Variants in STIM1 observed in about 807,000 individuals in gnomAD.
The protein encoded by STIM1 is stromal interaction molecule 1.
A neutral mutation model predicts 74.7 loss-of-function variants in STIM1; 25 were observed. The ratio of observed to expected loss-of-function variants is 0.33; its 90% confidence interval spans 0.24 to 0.47. The LOEUF is 0.47. Ranked by LOEUF, STIM1 falls within the 20% of genes least tolerant of loss-of-function variation. The pLI, the probability that STIM1 is intolerant of heterozygous loss-of-function variation, is 1.00. For synonymous variants in STIM1, 328 were observed against 348.8 expected, an observed-to-expected ratio of 0.94 and a Z score of 0.66; for missense variants, 728 against 920.8, an observed-to-expected ratio of 0.79 and a Z score of 2.71.
intron 1 of STIM1, among the ~76,000 whole-genome samples, chr11:3,879,063 C>T (rs983449688): frequency 6.6e-6 from 1 of 152,112 alleles, no homozygotes; most frequent in African/African-American, 2.4e-5. Flanking sequence ...TCAAGCAATT[C>T]TCCTGCCTCA....
At chr11:4,000,731 A>G (rs2135904797) in intron 2 of STIM1, among the ~76,000 whole-genome samples, 1 of 152,388 alleles carries the variant, frequency 6.6e-6, no homozygotes, top group East Asian at 1.9e-4. Context: ...ACAAAGCTGG[A>G]CGGAGAATGA....
chr11:4,090,876 G>A (rs183433339), intron 12 of STIM1, among the ~76,000 whole-genome samples: 2 of 152,320 alleles, frequency 1.3e-5, no homozygotes. Context: ...CCAGACAGAT[G>A]ATGGTATGAT....
intron 1 of STIM1, among the ~76,000 whole-genome samples, chr11:3,903,848 A>G (rs1307305395): frequency 6.6e-6 from 1 of 152,184 alleles, no homozygotes; most frequent in Non-Finnish European, 1.5e-5. Context: ...TGAGACACCC[A>G]TAAACAAGTG....
At chr11:3,929,270 CT>C (rs1438372757) in intron 1 of STIM1, among the ~76,000 whole-genome samples, 1 of 152,220 alleles carries the variant, frequency 6.6e-6, no homozygotes, top group East Asian at 1.9e-4. Flanking sequence ...AGGTGAACTT[CT>C]GCTCTAGATT....
In STIM1 at chr11:4,002,835, C is replaced by T. The variant is rs1409429441; in HGVS notation, c.271-21038C>T. ...GAAAGGATCAACAAAATTGATAGAC[C>T]GCTAGCAAGACTAATAAAGAAAAAA... On this transcript the variant is annotated intron_variant, in intron 2 of 12. Coordinates refer to ENST00000526596, the MANE Select transcript of STIM1 (RefSeq NM_001382567.1). 6.8e-4 allele frequency among the ~76,000 whole-genome samples: 99 copies of T among 144,820 alleles called. No individual in the cohort carries two copies. In the South Asian group the frequency reaches 0.016, roughly 23 times the overall value.
chr11:4,074,800 G>A (rs1269944970), intron 7 of STIM1, 121 bp downstream of exon 7: 52 of 1,129,916 alleles, frequency 4.6e-5, no homozygotes, highest in Non-Finnish European at 6.6e-5. Flanking sequence ...CTATGTTCTA[G>A]AGTCACTGGA....
At chr11:3,986,478 T>C (rs1306413115) in intron 2 of STIM1, among the ~76,000 whole-genome samples, 1 of 152,078 alleles carries the variant, frequency 6.6e-6, no homozygotes, top group Non-Finnish European at 1.5e-5. Context: ...GTAGCCAGAT[T>C]TGTGTGCCAT....
intron 1 of STIM1, among the ~76,000 whole-genome samples, chr11:3,951,749 A>G (rs1024376900): frequency 3.3e-5 from 5 of 152,130 alleles, no homozygotes; most frequent in Non-Finnish European, 1.5e-5. Context: ...TGCCCACTCC[A>G]ACACTTTCAG....
At chr11:3,882,091 CCTTTTTTTTT>C (rs2091531156) in intron 1 of STIM1, among the ~76,000 whole-genome samples, 1 of 143,878 alleles carries the variant, frequency 7.0e-6, no homozygotes, top group East Asian at 2.0e-4. Flanking sequence ...GCACTTCATT[CCTTTTTTTTT>C]TTTTTTTTTT....
chr11:3,922,393 C>T (rs559978537), intron 1 of STIM1, among the ~76,000 whole-genome samples: 6 of 152,130 alleles, frequency 3.9e-5, no homozygotes, highest in African/African-American at 7.2e-5. Context: ...TTTGTTCAAG[C>T]CTTTTTGCCC....
At chr11:4,045,639 G>C (rs574872596) in intron 3 of STIM1, among the ~76,000 whole-genome samples, 1 of 151,638 alleles carries the variant, frequency 6.6e-6, no homozygotes, top group Non-Finnish European at 1.5e-5. Context: ...TTTTTGTAGA[G>C]ATGGGTTTTG....
intron 5 of STIM1, among the ~76,000 whole-genome samples, chr11:4,060,148 T>G (rs868170984): frequency 6.6e-6 from 1 of 152,184 alleles, no homozygotes. Flanking sequence ...AGAATTAGGT[T>G]GTTCAGTCTC....
Position 3,912,421 on chromosome 11 carries a change from A to G in STIM1, c.140-55131A>G, listed in dbSNP as rs993679999. Among the ~76,000 whole-genome samples the G allele has an allele frequency of 2.0e-5, 3 of 151,150 alleles. No homozygotes were observed. The East Asian group carries it at 5.9e-4, about 30-fold the overall frequency. ...ACTTTGGTGCCCAGGCTGTAGTGCA[A>G]TGGTGCGATCTCAGCTCACTGCAAC... is the stretch of plus-strand genomic sequence containing the variant. On this transcript the variant is annotated intron_variant, in intron 1 of 12. Transcript: ENST00000526596.
intron 1 of STIM1, among the ~76,000 whole-genome samples, chr11:3,938,257 G>A (rs1054592588): frequency 1.3e-5 from 2 of 152,108 alleles, no homozygotes; most frequent in African/African-American, 4.8e-5. Flanking sequence ...AATTCTAATA[G>A]CATTGAACTT....
intron 5 of STIM1, 96 bp downstream of exon 5, chr11:4,059,492 C>T: frequency 6.4e-6 from 6 of 931,760 alleles, no homozygotes; most frequent in Non-Finnish European, 1.0e-5. Flanking sequence ...CTCCTAGGCA[C>T]ACCTGCAAGA....
At chr11:4,030,556 C>T (rs2094041395) in intron 3 of STIM1, among the ~76,000 whole-genome samples, 1 of 152,112 alleles carries the variant, frequency 6.6e-6, no homozygotes, top group South Asian at 2.1e-4. Flanking sequence ...TCTAAGTTAA[C>T]CATCAAGTCA....
At chr11:3,997,211 G>A (rs192595990) in intron 2 of STIM1, among the ~76,000 whole-genome samples, 14 of 152,310 alleles carry the variant, frequency 9.2e-5, no homozygotes, top group African/African-American at 2.2e-4. Context: ...AGCACTGAGC[G>A]TTCTCATTGA....
intron 1 of STIM1, among the ~76,000 whole-genome samples, chr11:3,891,985 G>A (rs1414029350): frequency 1.3e-5 from 2 of 152,232 alleles, no homozygotes; most frequent in African/African-American, 4.8e-5. Flanking sequence ...TTTGGCCTGA[G>A]GGCCTCAGTT....
At chr11:3,973,175 C>T (rs2093412798) in intron 2 of STIM1, 1 of 425,844 alleles carries the variant, frequency 2.3e-6, no homozygotes, top group Non-Finnish European at 4.6e-6. Context: ...ATAGCCATCC[C>T]TGTTGCTACC....
Sources: allele counts gnomAD v4.1 joint callset (sites outside exome capture counted in the v4.1 genomes callset), GRCh38; gene constraint gnomAD v4.1.1; transcripts MANE v1.5; gene names NCBI Gene and HGNC (gene_info 2026-07-23, HGNC 2026-07-21).